NAALADL2: variants seen among roughly 807,000 people sequenced by gnomAD.
NAALADL2 encodes the protein inactive N-acetylated-alpha-linked acidic dipeptidase-like protein 2.
NAALADL2 carries 76 observed loss-of-function variants against 87.2 expected under a neutral mutation model. That is an observed-to-expected ratio of 0.87 (90% CI 0.72 to 1.05). The LOEUF is 1.05. Ranked by LOEUF, NAALADL2 falls within the 50% of genes least tolerant of loss-of-function variation. The pLI is 0.00. For synonymous variants in NAALADL2, 354 were observed against 331.0 expected (o/e 1.07, Z -0.75); for missense variants, 1,089 against 945.8 (o/e 1.15, Z -1.99).
chr3:174,665,426 G>A (rs62284719), intron 2 of NAALADL2, among the ~76,000 whole-genome samples: 1,582 of 152,236 alleles, frequency 0.01, 16 homozygotes, highest in Middle Eastern at 0.048. Flanking sequence ...AATGTTAAGT[G>A]TTACTACCTT....
At chr3:175,559,074 A>C (rs1443066090) in intron 9 of NAALADL2, among the ~76,000 whole-genome samples, 1 of 151,788 alleles carries the variant, frequency 6.6e-6, no homozygotes, top group Non-Finnish European at 1.5e-5. Flanking sequence ...AATATCTTTT[A>C]TTTTTTGTTG....
chr3:175,226,845 T>C (rs2109402532), intron 2 of NAALADL2, among the ~76,000 whole-genome samples: 1 of 152,194 alleles, frequency 6.6e-6, no homozygotes, highest in East Asian at 1.9e-4. Flanking sequence ...CAGTTTATCA[T>C]GTGTTTTAAT....
intron 2 of NAALADL2, among the ~76,000 whole-genome samples, chr3:174,609,148 T>C (rs1047230637): frequency 3.9e-5 from 6 of 152,194 alleles, no homozygotes; most frequent in Admixed American, 6.6e-5. Context: ...AAATTAGGTA[T>C]TGATGGGATG....
At chr3:174,725,475 T>C (rs1732093305) in intron 2 of NAALADL2, among the ~76,000 whole-genome samples, 1 of 152,176 alleles carries the variant, frequency 6.6e-6, no homozygotes, top group African/African-American at 2.4e-5. Flanking sequence ...ACTGGAAAAT[T>C]CCAAGGGTAA....
chr3:175,386,592 A>G (rs1422868691), intron 5 of NAALADL2, among the ~76,000 whole-genome samples: 1 of 151,736 alleles, frequency 6.6e-6, no homozygotes, highest in African/African-American at 2.4e-5. Context: ...TATCCCCAGT[A>G]TTGCTTTCTG....
chr3:175,742,376 GT>G (rs536192081), intron 12 of NAALADL2, among the ~76,000 whole-genome samples: 1 of 152,108 alleles, frequency 6.6e-6, no homozygotes, highest in African/African-American at 2.4e-5. Flanking sequence ...TATAATGTAA[GT>G]TTTTTTGTTT....
intron 1 of NAALADL2, among the ~76,000 whole-genome samples, chr3:174,985,682 A>G (rs1745758674): frequency 6.6e-6 from 1 of 152,138 alleles, no homozygotes; most frequent in African/African-American, 2.4e-5. Context: ...GTTGGGCGCA[A>G]TGGCTCACAC....
chr3:175,006,588 T>C (rs528805344), intron 1 of NAALADL2, among the ~76,000 whole-genome samples: 13 of 152,132 alleles, frequency 8.5e-5, no homozygotes, highest in African/African-American at 3.1e-4. Flanking sequence ...CTTGTTTCTT[T>C]TTTTTCTTCT....
rs1754928051 is a variant in NAALADL2, at chr3:175,808,905, TTTAA to T, written c.*5706_*5709del. The stretch of plus-strand genomic sequence containing the variant: ...ATTTTTCAATCAAAATGTGTAATTA[TTTAA>T]TTATCTAGCCTGCTCAGTAATCATA... On this transcript the variant is annotated 3_prime_UTR_variant, in exon 14 of 14. Transcript: ENST00000454872. 1 of 152,016 alleles carries T rather than the reference TTTAA, an allele frequency of 6.6e-6. No individual in the cohort carries two copies. The highest frequency in any genetic ancestry group is 1.5e-5 in the Non-Finnish European group (1 of 67,946). 9.4% of individuals were successfully genotyped at this position (152,016 alleles called of 1,614,324 possible). A position where few individuals can be genotyped will look rare whatever the true frequency, so the allele number is the denominator to read the frequency against.
chr3:175,232,506 C>T (rs1745133676), intron 2 of NAALADL2, among the ~76,000 whole-genome samples: 1 of 152,156 alleles, frequency 6.6e-6, no homozygotes, highest in African/African-American at 2.4e-5. Context: ...ACTGGATAAA[C>T]ACAAATTGTC....
At chr3:175,614,557 G>GAA (rs1164159314) in intron 10 of NAALADL2, among the ~76,000 whole-genome samples, 3 of 152,138 alleles carry the variant, frequency 2.0e-5, no homozygotes, top group Non-Finnish European at 4.4e-5. Flanking sequence ...CTGCCTATCA[G>GAA]AAAATCTGTA....
At chr3:175,278,247 T>G (rs897786853) in intron 4 of NAALADL2, among the ~76,000 whole-genome samples, 1 of 152,222 alleles carries the variant, frequency 6.6e-6, no homozygotes, top group Non-Finnish European at 1.5e-5. Flanking sequence ...TATTATATCT[T>G]CAGCTCTTAG....
intron 1 of NAALADL2, among the ~76,000 whole-genome samples, chr3:174,520,442 G>A (rs1720203904): frequency 6.6e-6 from 1 of 152,086 alleles, no homozygotes; most frequent in South Asian, 2.1e-4. Context: ...ATAAAGTTGA[G>A]AAAAATAAAC....
intron 11 of NAALADL2, among the ~76,000 whole-genome samples, chr3:175,697,865 G>T (rs181614507): frequency 1.1e-5 from 1 of 87,882 alleles, no homozygotes; most frequent in African/African-American, 5.1e-5. Context: ...GTGTATATAT[G>T]TATGTATACA....
intron 2 of NAALADL2, among the ~76,000 whole-genome samples, chr3:174,688,476 CATAT>C (rs5854587): frequency 2.6e-5 from 4 of 151,658 alleles, no homozygotes; most frequent in African/African-American, 7.3e-5. Flanking sequence ...AAACCTATCT[CATAT>C]AGTTGTTGTG....
chr3:174,698,466 A>G (rs1196313132), intron 2 of NAALADL2, among the ~76,000 whole-genome samples: 2 of 152,172 alleles, frequency 1.3e-5, no homozygotes, highest in African/African-American at 4.8e-5. Flanking sequence ...CTACAATGTA[A>G]TTATCAAACT....
intron 5 of NAALADL2, among the ~76,000 whole-genome samples, chr3:175,427,064 C>T (rs1275707595): frequency 6.6e-6 from 1 of 152,192 alleles, no homozygotes; most frequent in African/African-American, 2.4e-5. Flanking sequence ...GAGCAAAAGA[C>T]TTCACTTCTG....
chr3:175,691,863 CTCTGAAACAGT>C (rs1737092167), intron 11 of NAALADL2, among the ~76,000 whole-genome samples: 1 of 152,058 alleles, frequency 6.6e-6, no homozygotes, highest in African/African-American at 2.4e-5. Context: ...CTTATTTGTG[CTCTGAAACAGT>C]TTATCAATAT....
intron 5 of NAALADL2, among the ~76,000 whole-genome samples, chr3:175,412,515 G>T (rs1713724258): frequency 1.3e-5 from 2 of 152,040 alleles, no homozygotes; most frequent in Non-Finnish European, 2.9e-5. Flanking sequence ...TAGGATGGGG[G>T]TTATCTCCTA....
Sources: allele counts gnomAD v4.1 joint callset (sites outside exome capture counted in the v4.1 genomes callset), GRCh38; gene constraint gnomAD v4.1.1; transcripts MANE v1.5; gene names NCBI Gene and HGNC (gene_info 2026-07-23, HGNC 2026-07-21).